The following PPP1R12A variants were observed in gnomAD, a reference collection of about 807,000 sequenced individuals.
PPP1R12A encodes the protein myosin binding subunit.
PPP1R12A carries 19 observed loss-of-function variants against 139.6 expected under a neutral mutation model. The ratio of observed to expected loss-of-function variants is 0.14; its 90% confidence interval spans 0.09 to 0.20. The LOEUF (loss-of-function observed/expected upper bound fraction) is 0.20. Ranked by LOEUF, PPP1R12A falls within the 10% of genes least tolerant of loss-of-function variation. The pLI is 1.00. For synonymous variants in PPP1R12A, 427 were observed against 420.6 expected, an observed-to-expected ratio of 1.02 and a Z score of -0.19; for missense variants, 925 against 1,211.5, an observed-to-expected ratio of 0.76 and a Z score of 3.51.
intron 2 of PPP1R12A, among the ~76,000 whole-genome samples, chr12:79,869,044 T>A (rs1346778264): frequency 6.6e-6 from 1 of 152,210 alleles, no homozygotes; most frequent in Non-Finnish European, 1.5e-5. Flanking sequence ...CTCACTTCAT[T>A]TATTTGTCCT....
intron 2 of PPP1R12A, among the ~76,000 whole-genome samples, chr12:79,856,723 G>C (rs1284077711): frequency 6.6e-6 from 1 of 152,166 alleles, no homozygotes; most frequent in Non-Finnish European, 1.5e-5. Flanking sequence ...CACTGCCATT[G>C]AGTCTTTCCA....
intron 14 of PPP1R12A, among the ~76,000 whole-genome samples, chr12:79,800,355 G>A (rs10862017): frequency 0.36 from 55,064 of 151,976 alleles, 17,360 homozygotes; most frequent in African/African-American, 0.81. Flanking sequence ...CTTTATGATG[G>A]CCCACTTCCA....
intron 2 of PPP1R12A, among the ~76,000 whole-genome samples, chr12:79,849,963 A>G (rs1879853366): frequency 6.6e-6 from 1 of 152,026 alleles, no homozygotes; most frequent in Non-Finnish European, 1.5e-5. Flanking sequence ...TGCTAGGAAT[A>G]CAAGAACATA....
chr12:79,774,944 T>C lies in PPP1R12A; in HGVS notation c.*985A>G, dbSNP rs1002906605. On this transcript the variant is annotated 3_prime_UTR_variant, in exon 25 of 25. Coordinates refer to ENST00000450142, the MANE Select transcript of PPP1R12A (RefSeq NM_002480.3). Reference sequence around the variant, plus strand: ...TTTGTAAAGATAGGGCTCCACATAATGTGTAACTTTTAAAGTCTTTATATC... The same window carrying C: ...TTTGTAAAGATAGGGCTCCACATAACGTGTAACTTTTAAAGTCTTTATATC... 6.6e-6 allele frequency: 1 copy of C among 152,306 alleles called. No homozygotes were observed. Among genetic ancestry groups the C allele is most frequent in the Non-Finnish European group, 1.5e-5 (1 of 67,982 alleles). 9.4% of individuals were successfully genotyped at this position (152,306 alleles called of 1,614,324 possible).
chr12:79,889,872 A>G (rs1035460201), intron 1 of PPP1R12A, among the ~76,000 whole-genome samples: 1 of 152,154 alleles, frequency 6.6e-6, no homozygotes, highest in African/African-American at 2.4e-5. Context: ...TGACTCATAT[A>G]CGTATCCTCA....
At chr12:79,808,374 C>A in intron 11 of PPP1R12A, 109 bp downstream of exon 11, 1 of 744,662 alleles carries the variant, frequency 1.3e-6, no homozygotes. Flanking sequence ...TCCTCCATCT[C>A]TTCCCACAAT....
intron 1 of PPP1R12A, among the ~76,000 whole-genome samples, chr12:79,910,232 C>T (rs967845102): frequency 4.6e-5 from 7 of 152,100 alleles, no homozygotes; most frequent in African/African-American, 1.7e-4. Context: ...GTAATCCCAG[C>T]ACTTTAGGAG....
chr12:79,837,423 CT>C (rs1344533640), intron 3 of PPP1R12A, among the ~76,000 whole-genome samples: 1 of 152,012 alleles, frequency 6.6e-6, no homozygotes, highest in Non-Finnish European at 1.5e-5. Context: ...TTAAGCATAA[CT>C]AGTTATTGAT....
chr12:79,889,336 G>A (rs1884386210), intron 1 of PPP1R12A, among the ~76,000 whole-genome samples: 2 of 152,150 alleles, frequency 1.3e-5, no homozygotes, highest in Non-Finnish European at 2.9e-5. Flanking sequence ...ATAGTAACAT[G>A]CAGAAGAGAA....
Position 79,872,917 on chromosome 12 carries a change from C to A in PPP1R12A, c.259G>T (p.Asp87Tyr). ...TTTTCTACCAGAAACTTCACCATAT[C>A]AACATTGTCATCAATGCAAGCCTAA... ...LHQACIDDNV[D>Y]MVKFLVENGA... The change falls in exon 2 of 25, where the codon GAT (aspartate) becomes TAT (tyrosine). Residue 87 changes from aspartate (D) to tyrosine (Y), a missense_variant. By Grantham distance (160) the Asp-to-Tyr change is radical (BLOSUM62 -3). This residue lies in a region of PPP1R12A where 199 missense variants were observed against 352.4 expected (regional missense o/e 0.56). Transcript: ENST00000450142. 2.5e-6 allele frequency: 4 copies of A among 1,613,080 alleles called. No homozygotes were observed. The highest frequency in any genetic ancestry group is 3.4e-6 in the Non-Finnish European group (4 of 1,179,608).
chr12:79,876,593 C>G (rs1883124336), intron 1 of PPP1R12A, among the ~76,000 whole-genome samples: 1 of 152,156 alleles, frequency 6.6e-6, no homozygotes, highest in South Asian at 2.1e-4. Flanking sequence ...CATTTCTCAC[C>G]TGCAACAGGA....
intron 1 of PPP1R12A, among the ~76,000 whole-genome samples, chr12:79,885,000 T>C (rs181748590): frequency 2.1e-4 from 32 of 152,290 alleles, no homozygotes; most frequent in Non-Finnish European, 2.2e-4. Context: ...TGAAAAAACA[T>C]TAAATTTCAT....
chr12:79,924,847 A>C (rs889635289), intron 1 of PPP1R12A, among the ~76,000 whole-genome samples: 11 of 152,242 alleles, frequency 7.2e-5, no homozygotes, highest in African/African-American at 2.4e-4. Context: ...TTAGGTTTAC[A>C]AATTCTGAAG....
At chr12:79,920,726 G>A (rs1004372644) in intron 1 of PPP1R12A, among the ~76,000 whole-genome samples, 2 of 152,138 alleles carry the variant, frequency 1.3e-5, no homozygotes, top group South Asian at 2.1e-4. Flanking sequence ...CCTTGAGCAC[G>A]TTATCACACT....
chr12:79,874,805 G>GAA (rs1348060507), intron 1 of PPP1R12A, among the ~76,000 whole-genome samples: 1 of 152,012 alleles, frequency 6.6e-6, no homozygotes, highest in Non-Finnish European at 1.5e-5. Flanking sequence ...CCACTCCAAG[G>GAA]TACTCATTGT....
chr12:79,795,587 AAGAATACTATCAAG>A, intron 18 of PPP1R12A, 37 bp downstream of exon 18: 2 of 1,542,132 alleles, frequency 1.3e-6, no homozygotes, highest in Non-Finnish European at 1.8e-6. Context: ...TGGACACATT[AAGAATACTATCAAG>A]AATACTATCA....
In PPP1R12A at chr12:79,890,891, C is replaced by CA. The variant is rs1565800078; in HGVS notation, c.238-17954_238-17953insT. On this transcript the variant is annotated intron_variant, in intron 1 of 24. Transcript: ENST00000450142. ...AACCTCAAGAATACACACACACCAC[C>CA]CACCCACACCCACCCACACACACAC... 7.8e-4 allele frequency among the ~76,000 whole-genome samples: 78 copies of CA among 99,594 alleles called. 1 individual carries two copies. The South Asian group carries it at 9.7e-3, about 12-fold the overall frequency. The allele number at this position is 99,594 out of a possible 152,430, so 65.3% of individuals were successfully genotyped here.
chr12:79,899,161 TAATTAG>T (rs1273558763), intron 1 of PPP1R12A, among the ~76,000 whole-genome samples: 3 of 15,998 alleles, frequency 1.9e-4, no homozygotes, highest in Non-Finnish European at 2.1e-3. Flanking sequence ...TGTTTGTCAT[TAATTAG>T]AGTTCAATAT....
chr12:79,812,272 C>T (rs957639702), intron 9 of PPP1R12A, among the ~76,000 whole-genome samples: 2 of 152,100 alleles, frequency 1.3e-5, no homozygotes, highest in Non-Finnish European at 2.9e-5. Flanking sequence ...TCCTGAAATA[C>T]TTAACTATAC....
Sources: allele counts gnomAD v4.1 joint callset (sites outside exome capture counted in the v4.1 genomes callset), GRCh38; gene constraint gnomAD v4.1.1; regional missense constraint gnomAD v4.1.1; transcripts MANE v1.5; gene names NCBI Gene and HGNC (gene_info 2026-07-23, HGNC 2026-07-21).